Variants in PHF8 observed in about 807,000 individuals in gnomAD.
PHF8 encodes the protein histone lysine demethylase PHF8.
PHF8 carries 9 observed loss-of-function variants against 74.4 expected under a neutral mutation model. That is an observed-to-expected ratio of 0.12 (90% CI 0.07 to 0.21). The LOEUF (loss-of-function observed/expected upper bound fraction) is 0.21. PHF8 is among the 10% of genes least tolerant of loss of function. The probability of loss-of-function intolerance (pLI) is 1.00; values close to 1 mark genes in which losing one functional copy is unlikely to be tolerated. For synonymous variants in PHF8, 311 were observed against 316.6 expected (o/e 0.98, Z 0.19); for missense variants, 478 against 816.6 (o/e 0.59, Z 5.05).
intron 19 of PHF8, among the ~76,000 whole-genome samples, chrX:53,958,644 C>T (rs1276467983): frequency 9.5e-6 from 1 of 105,689 alleles, no homozygotes; most frequent in Non-Finnish European, 1.9e-5. Flanking sequence ...AGCATGGTGG[C>T]GGGTGCCTGT....
At chrX:53,999,829 G>T in intron 11 of PHF8, 41 bp downstream of exon 11, 1 of 890,508 alleles carries the variant, frequency 1.1e-6, no homozygotes, top group Non-Finnish European at 1.6e-6. Flanking sequence ...TCCCTACAAA[G>T]GGCAAAACTC....
At position 53,993,772 on chromosome X, in the gene PHF8, G is replaced by A; in HGVS notation, c.1455C>T (p.Pro485=). 1 of 1,211,334 alleles carries A rather than the reference G, an allele frequency of 8.3e-7. No homozygotes were observed. The highest frequency in any genetic ancestry group is 1.1e-6 in the Non-Finnish European group (1 of 894,775). Residue 485 remains proline (P), a synonymous_variant, in exon 13 of 22, where the codon CCC becomes CCT. Coordinates refer to ENST00000338154, the MANE Select transcript of PHF8 (RefSeq NM_015107.3). The part of the protein sequence containing the change: ...TSVSMSRLSL[P]SKNGSKKKGL... ...CTTTCTTCTTTGAACCATTTTTGGA[G>A]GGCAGTGACAGCCTGGACATGGACA...
chrX:53,965,904 C>CG (rs1402705159), intron 18 of PHF8, among the ~76,000 whole-genome samples: 4 of 108,444 alleles, frequency 3.7e-5, no homozygotes, highest in African/African-American at 1.0e-4. Flanking sequence ...GGCCCATTTA[C>CG]GGGGGAAAAA....
At chrX:53,942,675 C>CGAGA (rs10632175) in intron 20 of PHF8, 69,089 of 727,094 alleles carry the variant, frequency 0.095, 3,327 homozygotes, top group African/African-American at 0.29. Flanking sequence ...GTAAGTACCA[C>CGAGA]GAATGTTGTA....
In PHF8 at chrX:53,985,823, C is replaced by T. The variant is rs1469268360; in HGVS notation, c.2122G>A (p.Ala708Thr). 8.3e-7 allele frequency: 1 copy of T among 1,209,722 alleles called. No individual in the cohort carries two copies. Among genetic ancestry groups the T allele is most frequent in the Non-Finnish European group, 1.1e-6 (1 of 895,115 alleles). Residue 708 changes from alanine to threonine, a missense_variant, in exon 17 of 22, where the codon GCC becomes ACC. By Grantham distance (58) the Ala-to-Thr change is moderately conservative. Around this residue, in one of 9 missense-constraint regions of PHF8, gnomAD observed 45 missense variants for 94.4 expected, o/e 0.48. Coordinates refer to ENST00000338154, the MANE Select transcript of PHF8 (RefSeq NM_015107.3). ...SRQVGGPDYA[A>T]LTEAPASPST... ...ATAAAAGCCAGTACTCACGTGAGGG[C>T]AGCATAGTCAGGTCCCCCCACCTGC...
upstream of PHF8, chrX:54,044,547 C>T: frequency 2.9e-6 from 1 of 350,494 alleles, no homozygotes; most frequent in Non-Finnish European, 3.7e-6. Flanking sequence ...GGGGCGCCAC[C>T]TTGAGAAAGG....
At chrX:54,012,404 C>G (rs1355752157) in intron 7 of PHF8, among the ~76,000 whole-genome samples, 1 of 111,885 alleles carries the variant, frequency 8.9e-6, no homozygotes, top group East Asian at 2.8e-4. Flanking sequence ...CATTCTACTT[C>G]CTAAATGATA....
intron 19 of PHF8, among the ~76,000 whole-genome samples, chrX:53,954,601 T>A (rs1345565694): frequency 4.0e-5 from 4 of 99,005 alleles, no homozygotes; most frequent in African/African-American, 1.5e-4. Context: ...AAAAAAAGAA[T>A]AAAGCAAATA....
upstream of PHF8, chrX:54,044,863 C>T: frequency 1.7e-6 from 2 of 1,152,725 alleles, no homozygotes; most frequent in Non-Finnish European, 2.3e-6. Flanking sequence ...GGGGTAGAGG[C>T]GGAGTACTCA....
chrX:54,010,101 G>C (rs2149866974), intron 8 of PHF8, among the ~76,000 whole-genome samples: 1 of 109,319 alleles, frequency 9.1e-6, no homozygotes, highest in East Asian at 2.9e-4. Flanking sequence ...ATCACCTGAG[G>C]TCAAGGTCAG....
At chrX:54,009,078 T>A (rs930398150) in intron 8 of PHF8, among the ~76,000 whole-genome samples, 8 of 111,415 alleles carry the variant, frequency 7.2e-5, no homozygotes, top group Admixed American at 6.7e-4. Flanking sequence ...CTCGGGAGGC[T>A]GAGGCAGGAG....
intron 18 of PHF8, among the ~76,000 whole-genome samples, chrX:53,982,603 C>T (rs1557098349): frequency 2.7e-5 from 3 of 112,028 alleles, no homozygotes; most frequent in Non-Finnish European, 5.6e-5. Context: ...GGTCATATAG[C>T]TATTAAGGTA....
chrX:53,977,945 C>CTT (rs1319452833), intron 18 of PHF8, among the ~76,000 whole-genome samples: 6 of 89,895 alleles, frequency 6.7e-5, no homozygotes, highest in Admixed American at 1.3e-4. Context: ...TGCGCCCGGC[C>CTT]TTTTTTTTTT....
chrX:53,979,335 T>C (rs782422305), intron 18 of PHF8, among the ~76,000 whole-genome samples: 66 of 111,195 alleles, frequency 5.9e-4, no homozygotes, highest in African/African-American at 2.1e-3. Flanking sequence ...TGAGCCGAGA[T>C]TGCACCACTG....
Position 53,987,863 on chromosome X carries a change from T to C in PHF8, c.1812A>G (p.Glu604=), listed in dbSNP as rs1230978848. 3 of 1,205,321 alleles carry C rather than the reference T, an allele frequency of 2.5e-6. No individual in the cohort carries two copies. Among genetic ancestry groups the C allele is most frequent in the Non-Finnish European group, 2.2e-6 (2 of 891,054 alleles). Residue 604 remains glutamate (E), a synonymous_variant, in exon 15 of 22, where the codon GAA becomes GAG. Transcript: ENST00000338154. ...KKVDKARLMA[E]QVMEDEFDLD... ...AGTCAAATTCGTCTTCCATCACCTGTTCTGCCATCAGCCTAGCCTTGTCTA... is the reference window on the plus strand; with the variant it reads ...AGTCAAATTCGTCTTCCATCACCTGCTCTGCCATCAGCCTAGCCTTGTCTA...
At chrX:54,027,332 C>T (rs146948401) in intron 2 of PHF8, among the ~76,000 whole-genome samples, 3,609 of 110,215 alleles carry the variant, frequency 0.033, 58 homozygotes, top group East Asian at 0.082. Flanking sequence ...AATAAACCTA[C>T]GAAGCTTGAT....
intron 18 of PHF8, among the ~76,000 whole-genome samples, chrX:53,982,199 G>A (rs1185063795): frequency 1.8e-5 from 2 of 112,059 alleles, no homozygotes; most frequent in Non-Finnish European, 3.8e-5. Context: ...GGGGAACCTG[G>A]CATGTCCCTA....
intron 2 of PHF8, among the ~76,000 whole-genome samples, chrX:54,024,627 C>T (rs2066235636): frequency 1.8e-5 from 2 of 111,916 alleles, no homozygotes; most frequent in African/African-American, 3.3e-5. Flanking sequence ...CTGAATGCAG[C>T]TTCTCCTACG....
At position 54,042,618 on chromosome X, in the gene PHF8, C is replaced by T; in HGVS notation, c.98+13G>A. The T allele has an allele frequency of 8.3e-7, 1 of 1,201,678 alleles. No homozygotes were observed. Among genetic ancestry groups the T allele is most frequent in the Non-Finnish European group, 1.1e-6 (1 of 887,901 alleles). ...GCCACCGCACCCTGTGTAGCCTGGC[C>T]TGCCCTCCTTACCTGCCATGAAACC... is the stretch of plus-strand genomic sequence containing the variant. On this transcript the variant is annotated intron_variant, in intron 2 of 21. Transcript: ENST00000338154.
Sources: gnomAD v4.1 joint callset for allele counts (sites outside exome capture counted in the v4.1 genomes callset) on GRCh38, gnomAD v4.1.1 for gene constraint, gnomAD v4.1.1 regional missense constraint, MANE v1.5 for transcripts, NCBI Gene and HGNC (gene_info 2026-07-23, HGNC 2026-07-21) for gene names.